SLC1A1: variants seen among roughly 807,000 people sequenced by gnomAD.
SLC1A1 encodes excitatory amino acid transporter 3.
Under a neutral mutation model 53.3 loss-of-function variants are expected in SLC1A1, and 43 were observed. The ratio of observed to expected loss-of-function variants is 0.81; its 90% CI spans 0.63 to 1.04. The LOEUF (loss-of-function observed/expected upper bound fraction) is 1.04. SLC1A1 is among the 50% of genes least tolerant of loss of function. SLC1A1 has a pLI of 0.00. For synonymous variants in SLC1A1, 307 were observed against 243.2 expected (o/e 1.26, Z -2.44); for missense variants, 748 against 664.9 (o/e 1.12, Z -1.37).
intron 1 of SLC1A1, among the ~76,000 whole-genome samples, chr9:4,516,433 G>A (rs2130822361): frequency 6.6e-6 from 1 of 152,236 alleles, no homozygotes; most frequent in South Asian, 2.1e-4. Context: ...TTAATGAACT[G>A]ATTCATACTC....
chr9:4,537,672 A>G (rs1816730013), intron 1 of SLC1A1, among the ~76,000 whole-genome samples: 1 of 152,180 alleles, frequency 6.6e-6, no homozygotes, highest in Admixed American at 6.5e-5. Flanking sequence ...GCCAGATACA[A>G]AAGGCTGCAT....
At chr9:4,515,290 A>T (rs1368833462) in intron 1 of SLC1A1, among the ~76,000 whole-genome samples, 1 of 152,156 alleles carries the variant, frequency 6.6e-6, no homozygotes, top group African/African-American at 2.4e-5. Flanking sequence ...GCTTCAAGAG[A>T]CAGGGACAGA....
intron 10 of SLC1A1, among the ~76,000 whole-genome samples, chr9:4,577,952 G>T (rs1279391224): frequency 6.6e-6 from 1 of 152,238 alleles, no homozygotes; most frequent in African/African-American, 2.4e-5. Flanking sequence ...TGGATTCAGG[G>T]TGAAAGGCGA....
intron 1 of SLC1A1, among the ~76,000 whole-genome samples, chr9:4,534,006 A>G (rs1287790642): frequency 1.3e-5 from 2 of 152,174 alleles, no homozygotes; most frequent in Non-Finnish European, 2.9e-5. Context: ...GTTCTTTGAA[A>G]CCAATGAGAA....
At chr9:4,529,977 T>C (rs564247612) in intron 1 of SLC1A1, among the ~76,000 whole-genome samples, 76 of 152,224 alleles carry the variant, frequency 5.0e-4, no homozygotes, top group African/African-American at 1.8e-3. Context: ...ATGAAGAAAA[T>C]ATTGTACATG....
intron 1 of SLC1A1, among the ~76,000 whole-genome samples, chr9:4,491,365 C>G (rs999402118): frequency 2.6e-5 from 4 of 152,208 alleles, no homozygotes; most frequent in African/African-American, 9.6e-5. Context: ...GAAAAGCTGC[C>G]AGATTCGTGC....
At chr9:4,548,026 G>C (rs1484786419) in intron 2 of SLC1A1, among the ~76,000 whole-genome samples, 3 of 152,134 alleles carry the variant, frequency 2.0e-5, no homozygotes, top group African/African-American at 7.2e-5. Context: ...CAGAAAGTAA[G>C]AAAACATGAT....
chr9:4,533,170 A>C (rs926821003), intron 1 of SLC1A1, among the ~76,000 whole-genome samples: 3 of 152,134 alleles, frequency 2.0e-5, no homozygotes, highest in Non-Finnish European at 4.4e-5. Flanking sequence ...GAGCAAAATA[A>C]CCAGCTAAGA....
At chr9:4,528,325 C>T (rs1316835818) in intron 1 of SLC1A1, among the ~76,000 whole-genome samples, 1 of 152,158 alleles carries the variant, frequency 6.6e-6, no homozygotes, top group Non-Finnish European at 1.5e-5. Flanking sequence ...GTAATCCCAG[C>T]ACTTTGGGAG....
intron 1 of SLC1A1, among the ~76,000 whole-genome samples, chr9:4,530,982 G>A (rs1816446621): frequency 6.6e-6 from 1 of 152,168 alleles, no homozygotes; most frequent in Admixed American, 6.5e-5. Context: ...TCAAGGATTG[G>A]AGCATTTAAT....
intron 1 of SLC1A1, among the ~76,000 whole-genome samples, chr9:4,514,380 G>C (rs981253364): frequency 3.9e-5 from 6 of 152,126 alleles, no homozygotes; most frequent in African/African-American, 1.4e-4. Context: ...TGACCTAATT[G>C]TTTTGGGTAT....
chr9:4,512,281 G>A (rs984932694), intron 1 of SLC1A1, among the ~76,000 whole-genome samples: 1 of 152,160 alleles, frequency 6.6e-6, no homozygotes, highest in Non-Finnish European at 1.5e-5. Flanking sequence ...GGGAGGCTGA[G>A]GTGGGCAGAT....
chr9:4,522,668 G>A (rs900844750), intron 1 of SLC1A1, among the ~76,000 whole-genome samples: 2 of 152,138 alleles, frequency 1.3e-5, no homozygotes, highest in Non-Finnish European at 2.9e-5. Flanking sequence ...TACAATCATG[G>A]CAAAAGGGGA....
intron 2 of SLC1A1, among the ~76,000 whole-genome samples, chr9:4,552,290 C>T (rs747753335): frequency 1.3e-5 from 2 of 152,056 alleles, no homozygotes; most frequent in Admixed American, 1.3e-4. Context: ...CATTACAATG[C>T]TGTGTGATAA....
At chr9:4,527,137 G>A (rs941898370) in intron 1 of SLC1A1, among the ~76,000 whole-genome samples, 2 of 152,142 alleles carry the variant, frequency 1.3e-5, no homozygotes, top group Non-Finnish European at 2.9e-5. Flanking sequence ...GGAGCCGAGA[G>A]GAGCCCCTGT....
chr9:4,509,951 G>T (rs185762707), intron 1 of SLC1A1, among the ~76,000 whole-genome samples: 1 of 152,088 alleles, frequency 6.6e-6, no homozygotes, highest in Non-Finnish European at 1.5e-5. Flanking sequence ...CTCTTGCCTC[G>T]GCCTTCCAAG....
chr9:4,543,221 C>T (rs1564021010), intron 1 of SLC1A1, among the ~76,000 whole-genome samples: 2 of 152,154 alleles, frequency 1.3e-5, no homozygotes, highest in Non-Finnish European at 2.9e-5. Flanking sequence ...TCTTGGTATT[C>T]ACAAACTAAT....
At chr9:4,498,432 A>G (rs1488365499) in intron 1 of SLC1A1, among the ~76,000 whole-genome samples, 1 of 152,204 alleles carries the variant, frequency 6.6e-6, no homozygotes, top group African/African-American at 2.4e-5. Context: ...CAATACTCCA[A>G]AAACACTAAA....
chr9:4,510,685 C>A (rs1213857088), intron 1 of SLC1A1, among the ~76,000 whole-genome samples: 2 of 152,184 alleles, frequency 1.3e-5, no homozygotes, highest in Admixed American at 6.5e-5. Context: ...AGTTCCACAC[C>A]CAGCAGGAGA....
Sources: gnomAD v4.1 joint callset for allele counts (sites outside exome capture counted in the v4.1 genomes callset) on GRCh38, gnomAD v4.1.1 for gene constraint, MANE v1.5 for transcripts, NCBI Gene and HGNC (gene_info 2026-07-23, HGNC 2026-07-21) for gene names.